PRKAR1B: variants seen among roughly 807,000 people sequenced by gnomAD.
PRKAR1B encodes the protein cAMP-dependent protein kinase type I-beta regulatory subunit.
A neutral mutation model predicts 46.5 loss-of-function variants in PRKAR1B; 22 were observed. The ratio of observed to expected loss-of-function variants is 0.47; its 90% CI spans 0.34 to 0.68. The LOEUF (loss-of-function observed/expected upper bound fraction) is 0.68, where lower values mean the gene tolerates loss of function less well. Ranked by LOEUF, PRKAR1B falls within the 30% of genes least tolerant of loss-of-function variation. PRKAR1B has a pLI of 0.01. For synonymous variants in PRKAR1B, 259 were observed against 217.7 expected (o/e 1.19, Z -1.67); for missense variants, 445 against 535.6 (o/e 0.83, Z 1.67).
At chr7:606,384 A>G in intron 5 of PRKAR1B, 145 bp from the exon 6 acceptor site, 1 of 607,600 alleles carries the variant, frequency 1.6e-6, no homozygotes. Context: ...TAATGACAAG[A>G]TTATACAAAC....
At chr7:692,357 G>T (rs913308026) in intron 2 of PRKAR1B, among the ~76,000 whole-genome samples, 1 of 152,152 alleles carries the variant, frequency 6.6e-6, no homozygotes, top group African/African-American at 2.4e-5. Context: ...CTGAGATCGC[G>T]CCATGGCACT....
At chr7:699,089 A>T (rs1373221159) in intron 2 of PRKAR1B, among the ~76,000 whole-genome samples, 3 of 152,190 alleles carry the variant, frequency 2.0e-5, no homozygotes, top group African/African-American at 7.2e-5. Context: ...ACCCCAGGAG[A>T]ACCCTGCACC....
intron 9 of PRKAR1B, among the ~76,000 whole-genome samples, chr7:559,324 G>T (rs1778642253): frequency 6.6e-6 from 1 of 151,980 alleles, no homozygotes. Flanking sequence ...GAGAAGACGT[G>T]GGGGCCGCAT....
chr7:636,733 AG>A (rs932235120), intron 4 of PRKAR1B, among the ~76,000 whole-genome samples: 14 of 152,110 alleles, frequency 9.2e-5, no homozygotes, highest in Non-Finnish European at 2.1e-4. Context: ...CCTGCTGGGG[AG>A]GGGGCCGGCG....
At chr7:564,603 A>G (rs1779021581) in intron 9 of PRKAR1B, among the ~76,000 whole-genome samples, 1 of 152,096 alleles carries the variant, frequency 6.6e-6, no homozygotes, top group South Asian at 2.1e-4. Flanking sequence ...TCTGCACACA[A>G]ATGTTCCCTC....
rs1786021959 is a variant in PRKAR1B, at chr7:667,906, C to T, written c.440+9323G>A. On this transcript the variant is annotated intron_variant, in intron 4 of 10. Coordinates refer to ENST00000537384, the MANE Select transcript of PRKAR1B (RefSeq NM_001164760.2). This position sits in a 1 kb window ranked among gnomAD's most constrained non-coding sequence, Gnocchi z 4.3. ...GCAGGCGGTCTGGGGGAGTTGCAGC[C>T]TCCCTCACAACCACGTTGCACTATC... Among the ~76,000 whole-genome samples the T allele has an allele frequency of 1.3e-5, 2 of 152,222 alleles. No homozygotes were observed. Among genetic ancestry groups the T allele is most frequent in the Admixed American group, 1.3e-4 (2 of 15,284 alleles).
intron 4 of PRKAR1B, among the ~76,000 whole-genome samples, chr7:626,182 C>A (rs1783389699): frequency 1.3e-5 from 2 of 152,144 alleles, no homozygotes; most frequent in African/African-American, 4.8e-5. Flanking sequence ...TAATTATTAA[C>A]CTTTCAAAAC....
At chr7:723,413 T>C (rs1781141139) in intron 1 of PRKAR1B, among the ~76,000 whole-genome samples, 1 of 152,102 alleles carries the variant, frequency 6.6e-6, no homozygotes, top group Non-Finnish European at 1.5e-5. Context: ...CAGGAACACA[T>C]GAGAGAAAAA....
intron 9 of PRKAR1B, among the ~76,000 whole-genome samples, chr7:575,513 G>A (rs1311198199): frequency 6.6e-6 from 1 of 152,226 alleles, no homozygotes; most frequent in Non-Finnish European, 1.5e-5. Context: ...AGGAAAGACA[G>A]CCAAGAATTT....
chr7:674,968 G>C (rs954383163), intron 4 of PRKAR1B, among the ~76,000 whole-genome samples: 6 of 152,196 alleles, frequency 3.9e-5, no homozygotes, highest in Non-Finnish European at 8.8e-5. Flanking sequence ...CTTTCTGAGT[G>C]AGATTCCAGC....
At chr7:727,176 C>T in intron 1 of PRKAR1B, 34 bp downstream of exon 1, 3 of 1,334,982 alleles carry the variant, frequency 2.2e-6, no homozygotes, top group Non-Finnish European at 2.9e-6. Context: ...TGGGCCTGGC[C>T]GTGGACCTGT....
At chr7:594,153 CTGTGGCTCCCTCCTTAGGA>C (rs778340323) in intron 7 of PRKAR1B, among the ~76,000 whole-genome samples, 1 of 152,306 alleles carries the variant, frequency 6.6e-6, no homozygotes, top group Non-Finnish European at 1.5e-5. Flanking sequence ...CGTCCTGGAA[CTGTGGCTCCCTCCTTAGGA>C]ATCACACCCA....
chr7:551,860 T>C (rs78522909), intron 9 of PRKAR1B, among the ~76,000 whole-genome samples: 23,330 of 55,690 alleles, frequency 0.42, 2,513 homozygotes, highest in Admixed American at 0.55. Flanking sequence ...GCCACCACCA[T>C]GTAACCACCC....
chr7:686,971 T>C (rs1779127573), intron 2 of PRKAR1B, among the ~76,000 whole-genome samples: 1 of 152,192 alleles, frequency 6.6e-6, no homozygotes, highest in Non-Finnish European at 1.5e-5. Flanking sequence ...GTGTGGACAC[T>C]AGAAAGAAAG....
chr7:696,731 C>G (rs1209674637), intron 2 of PRKAR1B: 2 of 152,280 alleles, frequency 1.3e-5, no homozygotes, highest in Non-Finnish European at 2.9e-5. Context: ...GGGTCCCAGT[C>G]TCTTGGCTGA....
chr7:649,388 G>A (rs1784781699), intron 4 of PRKAR1B, among the ~76,000 whole-genome samples: 1 of 152,114 alleles, frequency 6.6e-6, no homozygotes. Flanking sequence ...TGAACACAAG[G>A]TTATAAGCAT....
At chr7:694,807 G>A (rs1032458953) in intron 2 of PRKAR1B, among the ~76,000 whole-genome samples, 4 of 152,110 alleles carry the variant, frequency 2.6e-5, no homozygotes, top group African/African-American at 9.7e-5. Flanking sequence ...AGGCCAAGGT[G>A]GGTGGATCAC....
intron 4 of PRKAR1B, among the ~76,000 whole-genome samples, chr7:615,882 GGAGA>G (rs1410174898): frequency 1.4e-5 from 2 of 144,772 alleles, no homozygotes; most frequent in South Asian, 2.2e-4. Context: ...GGAGGGAAAG[GGAGA>G]GAGAAAGAGA....
Position 644,128 on chromosome 7 carries a change from G to A in PRKAR1B, c.440+33101C>T, listed in dbSNP as rs1244460649. ...CAGACAAACAGAGGTGCTAAGTCAC[G>A]GGCCACATGCACCCCCTCCTGTGCC... On this transcript the variant is annotated intron_variant, in intron 4 of 10. Transcript: ENST00000537384. The surrounding 1 kb of genome is among the most constrained non-coding windows in gnomAD (Gnocchi z 4.9). Among the ~76,000 whole-genome samples the A allele has an allele frequency of 1.3e-5, 2 of 152,100 alleles. No individual in the cohort carries two copies. Among genetic ancestry groups the A allele is most frequent in the South Asian group, 2.1e-4 (1 of 4,826 alleles).
Sources: allele counts gnomAD v4.1 joint callset (sites outside exome capture counted in the v4.1 genomes callset), GRCh38; gene constraint gnomAD v4.1.1; non-coding constraint Gnocchi (gnomAD v3.1); transcripts MANE v1.5; gene names NCBI Gene and HGNC (gene_info 2026-07-23, HGNC 2026-07-21).